The following ASTN2 variants were observed in gnomAD, a reference collection of about 807,000 sequenced individuals.
ASTN2 encodes astrotactin 2, also known as astrotactin-2.
A neutral mutation model predicts 139.8 loss-of-function variants in ASTN2; 54 were observed. The ratio of observed to expected loss-of-function variants is 0.39; its 90% CI spans 0.31 to 0.48. The LOEUF (loss-of-function observed/expected upper bound fraction) is 0.48, where lower values mean the gene tolerates loss of function less well. Ranked by LOEUF, ASTN2 falls within the 20% of genes least tolerant of loss-of-function variation. The probability of loss-of-function intolerance (pLI) is 0.95; values close to 1 mark genes in which losing one functional copy is unlikely to be tolerated. For missense variants in ASTN2, 1,565 were observed against 1,725.1 expected, an observed-to-expected ratio of 0.91 and a Z score of 1.64; for synonymous variants, 756 against 719.5, an observed-to-expected ratio of 1.05 and a Z score of -0.81.
intron 16 of ASTN2, among the ~76,000 whole-genome samples, chr9:116,658,100 TTTTTG>T (rs1438438618): frequency 6.8e-6 from 1 of 146,534 alleles, no homozygotes; most frequent in Non-Finnish European, 1.5e-5. Flanking sequence ...TTTTGTTTTG[TTTTTG>T]TTTTGTTTTG....
chr9:117,255,035 T>C (rs1028726964), intron 2 of ASTN2, among the ~76,000 whole-genome samples: 2 of 152,212 alleles, frequency 1.3e-5, no homozygotes, highest in Non-Finnish European at 2.9e-5. Flanking sequence ...CTAATCCTAG[T>C]ATATGAAACA....
At chr9:116,910,900 A>G (rs530036002) in intron 10 of ASTN2, among the ~76,000 whole-genome samples, 1 of 152,310 alleles carries the variant, frequency 6.6e-6, no homozygotes, top group African/African-American at 2.4e-5. Context: ...GAATCCTGCT[A>G]GAAGTAGGGT....
At chr9:117,322,785 C>T (rs1828375526) in intron 1 of ASTN2, among the ~76,000 whole-genome samples, 1 of 152,072 alleles carries the variant, frequency 6.6e-6, no homozygotes, top group Admixed American at 6.6e-5. Context: ...GCCCCCAGCA[C>T]AGGCACAAGT....
chr9:117,312,666 T>C (rs1828013741), intron 1 of ASTN2, among the ~76,000 whole-genome samples: 1 of 152,152 alleles, frequency 6.6e-6, no homozygotes, highest in African/African-American at 2.4e-5. Context: ...TCTGGTCTAG[T>C]CTTGGTTCTT....
intron 4 of ASTN2, among the ~76,000 whole-genome samples, chr9:117,126,769 TTGAG>T (rs1443239075): frequency 6.6e-6 from 1 of 152,230 alleles, no homozygotes; most frequent in Admixed American, 6.5e-5. Context: ...ACTTGAATGC[TTGAG>T]TGAGTGATTG....
intron 3 of ASTN2, among the ~76,000 whole-genome samples, chr9:117,157,730 T>C (rs147772635): frequency 8.2e-4 from 125 of 152,146 alleles, no homozygotes; most frequent in Non-Finnish European, 1.5e-3. Flanking sequence ...TTAGTATGAC[T>C]AGAGTTCAGT....
chr9:117,294,426 G>T (rs559559013), intron 1 of ASTN2, among the ~76,000 whole-genome samples: 2 of 152,208 alleles, frequency 1.3e-5, no homozygotes, highest in Non-Finnish European at 2.9e-5. Context: ...GAGAGGAGGG[G>T]TATGAAATGT....
rs192966961 is a variant in ASTN2 at position 117,056,255 on chromosome 9, G to A, written c.1277-16290C>T. Among the ~76,000 whole-genome samples the A allele has an allele frequency of 8.5e-5, 13 of 152,272 alleles. No individual in the cohort carries two copies. In the East Asian group the frequency reaches 2.5e-3, roughly 29 times the overall value. ...TTGTTGTTTTAAATTCCAATTTGAG[G>A]GTGATTTCTTACACAGCAATAGATA... is the stretch of plus-strand genomic sequence containing the variant. On this transcript the variant is annotated intron_variant, in intron 5 of 22. Transcript: ENST00000313400.
intron 19 of ASTN2, among the ~76,000 whole-genome samples, chr9:116,562,782 G>A (rs1302683346): frequency 6.7e-6 from 1 of 148,414 alleles, no homozygotes; most frequent in Non-Finnish European, 1.5e-5. Context: ...GAAAGCAAAG[G>A]TTATGCGTGA....
At chr9:116,952,503 C>T (rs1332193184) in intron 10 of ASTN2, among the ~76,000 whole-genome samples, 1 of 152,194 alleles carries the variant, frequency 6.6e-6, no homozygotes, top group Non-Finnish European at 1.5e-5. Flanking sequence ...CTCTCAATTT[C>T]CGCATTCTTT....
intron 16 of ASTN2, among the ~76,000 whole-genome samples, chr9:116,712,752 T>A (rs1828200659): frequency 6.6e-6 from 1 of 152,226 alleles, no homozygotes; most frequent in Non-Finnish European, 1.5e-5. Context: ...CCGAACTTTG[T>A]TTTGGTGCAA....
chr9:117,406,486 C>A (rs538814080), intron 1 of ASTN2, among the ~76,000 whole-genome samples: 1 of 152,220 alleles, frequency 6.6e-6, no homozygotes, highest in South Asian at 2.1e-4. Flanking sequence ...CTGCCACCCC[C>A]CTCCTCCACC....
At chr9:116,885,559 G>T (rs754535009) in intron 10 of ASTN2, among the ~76,000 whole-genome samples, 11 of 152,094 alleles carry the variant, frequency 7.2e-5, no homozygotes, top group Non-Finnish European at 1.5e-4. Context: ...CCAGCTACTT[G>T]GGAGGCTGAG....
intron 10 of ASTN2, among the ~76,000 whole-genome samples, chr9:116,900,069 A>C (rs7021939): frequency 0.56 from 85,446 of 151,974 alleles, 25,176 homozygotes; most frequent in South Asian, 0.75. Context: ...TAGCCTCCAA[A>C]TTTTCAGTGA....
chr9:116,744,252 T>C lies in ASTN2; in HGVS notation c.2397-10729A>G, dbSNP rs1243072037. 2.0e-5 allele frequency among the ~76,000 whole-genome samples: 3 copies of C among 152,148 alleles called. No individual in the cohort carries two copies. In the South Asian group the frequency reaches 6.2e-4, roughly 32 times the overall value. On this transcript the variant is annotated intron_variant, in intron 13 of 22. Transcript: ENST00000313400. ...AATTGCAATAAGCTAAGTTTCAAGATGCTAAAGCAGCGAGTGAGAAGCAAG... is the reference window on the plus strand; with the variant it reads ...AATTGCAATAAGCTAAGTTTCAAGACGCTAAAGCAGCGAGTGAGAAGCAAG...
intron 20 of ASTN2, among the ~76,000 whole-genome samples, chr9:116,467,066 G>A (rs753928968): frequency 5.3e-5 from 8 of 152,084 alleles, no homozygotes; most frequent in Non-Finnish European, 1.0e-4. Context: ...AAGCAAGGCA[G>A]CAAGAGTCCC....
In ASTN2 at chr9:116,879,048, C is replaced by T. The variant is rs111995055; in HGVS notation, c.1890-15315G>A. On this transcript the variant is annotated intron_variant, in intron 10 of 22. Coordinates refer to ENST00000313400, the MANE Select transcript of ASTN2 (RefSeq NM_001365068.1). ...GGGGGTTGCCGTGAGCCAGGAGAGC[C>T]CAGCATTAGACAGTAAATGGGGCTG... 6.4e-3 allele frequency among the ~76,000 whole-genome samples: 977 copies of T among 152,012 alleles called. 5 individuals carry two copies. The highest frequency in any genetic ancestry group is 0.022 in the African/African-American group (918 of 41,470).
intron 5 of ASTN2, among the ~76,000 whole-genome samples, chr9:117,076,557 C>T (rs1054377470): frequency 6.6e-6 from 1 of 152,036 alleles, no homozygotes; most frequent in African/African-American, 2.4e-5. Flanking sequence ...TGTTTTCAGA[C>T]GTGTGTGGTA....
At chr9:116,809,167 C>T (rs1369710585) in intron 12 of ASTN2, among the ~76,000 whole-genome samples, 1 of 151,930 alleles carries the variant, frequency 6.6e-6, no homozygotes, top group African/African-American at 2.4e-5. Context: ...TGTTTAGAAA[C>T]CCACAAGACG....
Sources: gnomAD v4.1 joint callset for allele counts (sites outside exome capture counted in the v4.1 genomes callset) on GRCh38, gnomAD v4.1.1 for gene constraint, MANE v1.5 for transcripts, NCBI Gene and HGNC (gene_info 2026-07-23, HGNC 2026-07-21) for gene names.